FSTL3: variants seen among roughly 807,000 people sequenced by gnomAD.
The protein encoded by FSTL3 is follistatin-related protein 3.
FSTL3 carries 21 observed loss-of-function variants against 28.1 expected under a neutral mutation model. The ratio of observed to expected loss-of-function variants is 0.75; its 90% CI spans 0.53 to 1.08. The LOEUF (loss-of-function observed/expected upper bound fraction) is 1.08. FSTL3 is among the 50% of genes least tolerant of loss of function. The pLI, the probability that FSTL3 is intolerant of heterozygous loss-of-function variation, is 0.00. For synonymous variants in FSTL3, 199 were observed against 164.2 expected, an observed-to-expected ratio of 1.21 and a Z score of -1.62; for missense variants, 400 against 380.9, an observed-to-expected ratio of 1.05 and a Z score of -0.42.
At position 680,260 on chromosome 19, in the gene FSTL3, T is replaced by C; in HGVS notation, c.290-14T>C. The stretch of plus-strand genomic sequence containing the variant: ...TCCCGCGCCCGGCCCCACGCGCGTG[T>C]CCTCTGTCCGCAGATTCGTGCGACG... On this transcript the variant is annotated splice_polypyrimidine_tract_variant and intron_variant, in intron 2 of 4. Transcript: ENST00000166139. 7.5e-7 allele frequency: 1 copy of C among 1,336,074 alleles called. No individual in the cohort carries two copies. Among genetic ancestry groups the C allele is most frequent in the Non-Finnish European group, 9.6e-7 (1 of 1,042,802 alleles). The allele number at this position is 1,336,074 out of a possible 1,614,324, so 82.8% of individuals were successfully genotyped here.
chr19:680,869 C>A (rs989190939), intron 3 of FSTL3: 3 of 226,822 alleles, frequency 1.3e-5, no homozygotes, highest in Non-Finnish European at 2.6e-5. Flanking sequence ...GGGGCTCACA[C>A]TGGGCAAGAG....
rs555110873 is a variant in FSTL3, at chr19:678,058, G to A, written c.289+81G>A. 87 of 1,357,366 alleles carry A rather than the reference G, an allele frequency of 6.4e-5. No homozygotes were observed. In the East Asian group the frequency reaches 1.7e-3, roughly 27 times the overall value. The allele number at this position is 1,357,366 out of a possible 1,614,324, so 84.1% of individuals were successfully genotyped here. A position where few individuals can be genotyped will look rare whatever the true frequency, so the allele number is the denominator to read the frequency against. On this transcript the variant is annotated intron_variant, in intron 2 of 4. Coordinates refer to ENST00000166139, the MANE Select transcript of FSTL3 (RefSeq NM_005860.3). The stretch of plus-strand genomic sequence containing the variant: ...CAGTCATGGTGGTCGAGGGCCGAAC[G>A]TCCAGGGACTGAGCCCGTCACAGGG...
In FSTL3 at chr19:677,927, A is replaced by C; in HGVS notation, c.239A>C (p.Lys80Thr). The part of the protein sequence containing the change: ...AWSNLTHPGN[K>T]INLLGFLGLV... Reference sequence around the variant, plus strand: ...TCCAACCTCACCCACCCGGGGAACAAGATCAACCTCCTCGGCTTCTTGGGC... The same window carrying C: ...TCCAACCTCACCCACCCGGGGAACACGATCAACCTCCTCGGCTTCTTGGGC... The change falls in exon 2 of 5, where the codon AAG becomes ACG. Residue 80 changes from lysine (K) to threonine (T), a missense_variant. By Grantham distance (78) the Lys-to-Thr change is moderately conservative. Transcript: ENST00000166139. The C allele has an allele frequency of 6.2e-7, 1 of 1,613,650 alleles. No individual in the cohort carries two copies. The highest frequency in any genetic ancestry group is 8.5e-7 in the Non-Finnish European group (1 of 1,180,000).
rs142039044 is a variant in FSTL3, at chr19:677,880, C to T, written c.192C>T (p.Ser64=). Residue 64 remains serine, a synonymous_variant, in exon 2 of 5, where the codon TCC becomes TCT. Coordinates refer to ENST00000166139, the MANE Select transcript of FSTL3 (RefSeq NM_005860.3). ...TCACCCGGGCCGAGTGCTGTGCCTC[C>T]GGCAACATTGACACCGCCTGGTCCA... ...TDVTRAECCA[S]GNIDTAWSNL... 1.2e-5 allele frequency: 19 copies of T among 1,613,306 alleles called. No individual in the cohort carries two copies. The East Asian group carries it at 2.0e-4, about 17-fold the overall frequency.
rs753663363 is a variant in FSTL3, at chr19:680,480, C to A, written c.496C>A (p.Arg166Ser). 1.0e-4 allele frequency: 130 copies of A among 1,246,066 alleles called. No individual in the cohort carries two copies. The African/African-American group carries it at 1.9e-3, about 18-fold the overall frequency. The allele number at this position is 1,246,066 out of a possible 1,614,324, so 77.2% of individuals were successfully genotyped here. A position where few individuals can be genotyped will look rare whatever the true frequency, so the allele number is the denominator to read the frequency against. ...HPDLSVMYRG[R>S]CRKSCEHVVC... The stretch of plus-strand genomic sequence containing the variant: ...GGACCTGAGCGTCATGTACCGGGGC[C>A]GCTGCCGCAGTACGTGGGGGCGTGG... Residue 166 changes from arginine (R) to serine (S), a missense_variant, in exon 3 of 5, where the codon CGC becomes AGC. By Grantham distance (110) the Arg-to-Ser change is moderately radical. Coordinates refer to ENST00000166139, the MANE Select transcript of FSTL3 (RefSeq NM_005860.3).
At position 677,815 on chromosome 19, in the gene FSTL3, G is replaced by C; in HGVS notation, c.127G>C (p.Gly43Arg). 3.7e-6 allele frequency: 6 copies of C among 1,610,944 alleles called. No homozygotes were observed. Among genetic ancestry groups the C allele is most frequent in the Non-Finnish European group, 5.1e-6 (6 of 1,179,844 alleles). The change falls in exon 2 of 5, where the codon GGC becomes CGC. Residue 43 changes from glycine to arginine, a missense_variant. Coordinates refer to ENST00000166139, the MANE Select transcript of FSTL3 (RefSeq NM_005860.3). ...AGGTGGTGTTTGCTGGCTCCAGCAGGGCCAGGAGGCCACCTGCAGCCTGGT... is the reference window on the plus strand; with the variant it reads ...AGGTGGTGTTTGCTGGCTCCAGCAGCGCCAGGAGGCCACCTGCAGCCTGGT... ...APGGVCWLQQ[G>R]QEATCSLVLQ...
At chr19:677,284 G>A (rs1259604387) in intron 1 of FSTL3, among the ~76,000 whole-genome samples, 2 of 152,214 alleles carry the variant, frequency 1.3e-5, no homozygotes, top group East Asian at 1.9e-4. Context: ...CGTCCCTGGG[G>A]AGACAGTGAG....
rs746126061 is a variant in FSTL3, at chr19:678,499, G to GTTTTTTTT, written c.289+541_289+548dup. On this transcript the variant is annotated intron_variant, in intron 2 of 4. Coordinates refer to ENST00000166139, the MANE Select transcript of FSTL3 (RefSeq NM_005860.3). ...AGATTCTCCGCACTGGAGGATGATG[G>GTTTTTTTT]TTTTTTTTTTTTTTTTTTTTTTTTT... Among the ~76,000 whole-genome samples, 2 of 91,232 alleles carry GTTTTTTTT rather than the reference G, an allele frequency of 2.2e-5. 1 individual carries two copies. Among genetic ancestry groups the GTTTTTTTT allele is most frequent in the Admixed American group, 2.7e-4 (2 of 7,508 alleles). 59.9% of individuals were successfully genotyped at this position (91,232 alleles called of 152,430 possible).
Position 677,943 on chromosome 19 carries a change from C to T in FSTL3, c.255C>T (p.Gly85=). ...THPGNKINLL[G]FLGLVHCLPC... ...CGGGGAACAAGATCAACCTCCTCGGCTTCTTGGGCCTTGTCCACTGCCTTC... is the reference window on the plus strand; with the variant it reads ...CGGGGAACAAGATCAACCTCCTCGGTTTCTTGGGCCTTGTCCACTGCCTTC... Residue 85 remains glycine, a synonymous_variant, in exon 2 of 5, where the codon GGC becomes GGT. Coordinates refer to ENST00000166139, the MANE Select transcript of FSTL3 (RefSeq NM_005860.3). 6.2e-7 allele frequency: 1 copy of T among 1,613,478 alleles called. No homozygotes were observed. Among genetic ancestry groups the T allele is most frequent in the South Asian group, 1.1e-5 (1 of 91,086 alleles).
At chr19:681,588 C>G (rs758184758) in intron 4 of FSTL3, 28 bp downstream of exon 4, 1 of 1,599,136 alleles carries the variant, frequency 6.3e-7, no homozygotes, top group Non-Finnish European at 8.5e-7. Flanking sequence ...GGGCACAGGC[C>G]TGTCCTGGGG....
At chr19:681,281 C>T (rs1462229590) in intron 3 of FSTL3, 52 bp from the exon 4 acceptor site, 5 of 1,326,384 alleles carry the variant, frequency 3.8e-6, no homozygotes, top group East Asian at 2.5e-5. Flanking sequence ...AAGAGCCCTG[C>T]GGGGTTCTCA....
chr19:680,423 G>T lies in FSTL3; in HGVS notation c.439G>T (p.Glu147Ter). ...CGGCGCCACCTACCGCGACGAGTGCGAGCTGCGCGCCGCGCGCTGCCGCGG... is the reference window on the plus strand; with the variant it reads ...CGGCGCCACCTACCGCGACGAGTGCTAGCTGCGCGCCGCGCGCTGCCGCGG... Reference protein sequence around the residue: ...SDGATYRDECELRAARCRGHP... With the variant: ...SDGATYRDEC The change falls in exon 3 of 5, where the codon GAG becomes TAG. Residue 147 changes from glutamate (E) to a stop codon, truncating the protein, a stop_gained. Transcript: ENST00000166139. LOFTEE classifies it high-confidence loss of function. 1 of 1,268,096 alleles carries T rather than the reference G, an allele frequency of 7.9e-7. No individual in the cohort carries two copies. Among genetic ancestry groups the T allele is most frequent in the Non-Finnish European group, 9.9e-7 (1 of 1,009,188 alleles). The allele number at this position is 1,268,096 out of a possible 1,614,324, so 78.6% of individuals were successfully genotyped here.
chr19:681,356 C>A lies in FSTL3; in HGVS notation c.529C>A (p.Pro177Thr). ...AGAGTCCTGTGAGCACGTGGTGTGC[C>A]CGCGGCCACAGTCGTGCGTCGTGGA... ...CRKSCEHVVCPRPQSCVVDQT... is the reference protein window; with the variant it reads ...CRKSCEHVVCTRPQSCVVDQT... Residue 177 changes from proline (P) to threonine (T), a missense_variant, in exon 4 of 5, where the codon CCG becomes ACG. Coordinates refer to ENST00000166139, the MANE Select transcript of FSTL3 (RefSeq NM_005860.3). 1.3e-6 allele frequency: 2 copies of A among 1,580,342 alleles called. No homozygotes were observed. The highest frequency in any genetic ancestry group is 1.7e-6 in the Non-Finnish European group (2 of 1,170,522).
chr19:678,396 G>T (rs978662267), intron 2 of FSTL3, among the ~76,000 whole-genome samples: 2 of 152,154 alleles, frequency 1.3e-5, no homozygotes, highest in Non-Finnish European at 2.9e-5. Context: ...CATTTGCCTC[G>T]GGACCCTGTT....
chr19:680,289 T>C lies in FSTL3; in HGVS notation c.305T>C (p.Val102Ala). 7.6e-7 allele frequency: 1 copy of C among 1,319,484 alleles called. No individual in the cohort carries two copies. The highest frequency in any genetic ancestry group is 9.6e-7 in the Non-Finnish European group (1 of 1,037,010). 81.7% of individuals were successfully genotyped at this position (1,319,484 alleles called of 1,614,324 possible). A position where few individuals can be genotyped will look rare whatever the true frequency, so the allele number is the denominator to read the frequency against. ...CTGTCCGCAGATTCGTGCGACGGCGTGGAGTGCGGCCCGGGCAAGGCGTGC... is the reference window on the plus strand; with the variant it reads ...CTGTCCGCAGATTCGTGCGACGGCGCGGAGTGCGGCCCGGGCAAGGCGTGC... ...CLPCKDSCDG[V>A]ECGPGKACRM... is the part of the protein sequence containing the mutation. Residue 102 changes from valine to alanine, a missense_variant, in exon 3 of 5, where the codon GTG becomes GCG. Physicochemically the swap from Val to Ala is moderately conservative, Grantham distance 64. Coordinates refer to ENST00000166139, the MANE Select transcript of FSTL3 (RefSeq NM_005860.3).
At chr19:679,390 C>T (rs1435692668) in intron 2 of FSTL3, among the ~76,000 whole-genome samples, 1 of 152,150 alleles carries the variant, frequency 6.6e-6, no homozygotes, top group African/African-American at 2.4e-5. Flanking sequence ...GGGGCTCCCT[C>T]GTCAGCCCCA....
At chr19:681,097 G>A (rs1414460640) in intron 3 of FSTL3, among the ~76,000 whole-genome samples, 1 of 151,048 alleles carries the variant, frequency 6.6e-6, no homozygotes, top group Non-Finnish European at 1.5e-5. Context: ...GGTAGCATAA[G>A]GGGCAGGAGC....
At chr19:676,785 A>G (rs1214898493) in intron 1 of FSTL3, among the ~76,000 whole-genome samples, 1 of 152,154 alleles carries the variant, frequency 6.6e-6, no homozygotes, top group Non-Finnish European at 1.5e-5. Flanking sequence ...CCATCCCGAT[A>G]GTGCCGGAGC....
intron 3 of FSTL3, 92 bp downstream of exon 3, chr19:680,581 GGGGCCT>G: frequency 1.3e-6 from 1 of 780,038 alleles, no homozygotes; most frequent in Non-Finnish European, 1.7e-6. Context: ...AGGCGGGGGC[GGGGCCT>G]GGGGCGGGAC....
Sources: gnomAD v4.1 joint callset for allele counts (sites outside exome capture counted in the v4.1 genomes callset) on GRCh38, gnomAD v4.1.1 for gene constraint, MANE v1.5 for transcripts, NCBI Gene and HGNC (gene_info 2026-07-23, HGNC 2026-07-21) for gene names.